The following RAPGEF1 variants were observed in gnomAD, a reference collection of about 807,000 sequenced individuals.
RAPGEF1 encodes Rap guanine nucleotide exchange factor 1, also known as CRK SH3-binding GNRP.
RAPGEF1 carries 33 observed loss-of-function variants against 143.3 expected under a neutral mutation model. The ratio of observed to expected loss-of-function variants is 0.23; its 90% CI spans 0.17 to 0.31. The LOEUF (loss-of-function observed/expected upper bound fraction) is 0.31. RAPGEF1 is among the 10% of genes least tolerant of loss of function. The pLI is 1.00. For missense variants in RAPGEF1, 1,199 were observed against 1,645.4 expected (o/e 0.73, Z 4.69); for synonymous variants, 629 against 676.5 (o/e 0.93, Z 1.09).
At chr9:131,696,348 A>G (rs926788545) in intron 1 of RAPGEF1, among the ~76,000 whole-genome samples, 77 of 152,354 alleles carry the variant, frequency 5.1e-4, no homozygotes, top group African/African-American at 1.8e-3. Context: ...CAGAGCTAAC[A>G]AAAGGTTTTT....
intron 1 of RAPGEF1, among the ~76,000 whole-genome samples, chr9:131,717,361 A>G (rs1835932004): frequency 6.6e-6 from 1 of 152,188 alleles, no homozygotes. Context: ...CACAATGGGT[A>G]CTCACTATCC....
chr9:131,608,528 C>G (rs1014690622), intron 12 of RAPGEF1, among the ~76,000 whole-genome samples: 6 of 152,118 alleles, frequency 3.9e-5, no homozygotes, highest in African/African-American at 1.4e-4. Context: ...GGGGTGTGGG[C>G]TGCCAAGGAG....
chr9:131,662,173 C>T (rs1293922950), intron 1 of RAPGEF1, among the ~76,000 whole-genome samples: 1 of 152,184 alleles, frequency 6.6e-6, no homozygotes, highest in Non-Finnish European at 1.5e-5. Context: ...CCATTCTCTC[C>T]TCTCCCCACC....
At chr9:131,683,312 G>A (rs1428397616) in intron 1 of RAPGEF1, among the ~76,000 whole-genome samples, 1 of 152,202 alleles carries the variant, frequency 6.6e-6, no homozygotes, top group Non-Finnish European at 1.5e-5. Flanking sequence ...AGAGAAACTG[G>A]AGGCTTTAGA....
intron 17 of RAPGEF1, among the ~76,000 whole-genome samples, chr9:131,593,830 G>A: frequency 6.6e-6 from 1 of 152,204 alleles, no homozygotes; most frequent in African/African-American, 2.4e-5. Context: ...AAGAGTTTGG[G>A]GAAGGAAGCA....
At chr9:131,630,932 A>G (rs1433233649) in intron 5 of RAPGEF1, among the ~76,000 whole-genome samples, 3 of 151,416 alleles carry the variant, frequency 2.0e-5, no homozygotes, top group African/African-American at 4.9e-5. Context: ...AAGGGAAGAC[A>G]TAAGTGCCCA....
intron 1 of RAPGEF1, among the ~76,000 whole-genome samples, chr9:131,702,983 C>T (rs961828848): frequency 6.6e-6 from 1 of 152,246 alleles, no homozygotes; most frequent in East Asian, 1.9e-4. Flanking sequence ...AGAATAATGG[C>T]ACTGACTAAC....
chr9:131,723,289 T>A (rs1198705458), intron 1 of RAPGEF1, among the ~76,000 whole-genome samples: 1 of 152,226 alleles, frequency 6.6e-6, no homozygotes, highest in Non-Finnish European at 1.5e-5. Context: ...AAAGTACACA[T>A]AACATTTGCC....
intron 1 of RAPGEF1, among the ~76,000 whole-genome samples, chr9:131,657,740 T>G (rs1183639779): frequency 6.6e-6 from 1 of 152,208 alleles, no homozygotes; most frequent in African/African-American, 2.4e-5. Flanking sequence ...GAGAAGCGGA[T>G]GGATTCCACT....
At chr9:131,649,743 A>T (rs998185135) in intron 3 of RAPGEF1, among the ~76,000 whole-genome samples, 2 of 152,160 alleles carry the variant, frequency 1.3e-5, no homozygotes, top group Non-Finnish European at 2.9e-5. Context: ...TGAGATGGGT[A>T]AGAAAGCACT....
In RAPGEF1 at chr9:131,584,435, G is replaced by A. The variant is rs752580451; in HGVS notation, c.3313-23C>T. ...GTGCTGCCGAGAGAGGGGCGGTGCC[G>A]TGAGGCAGGAGGGCAGGCGGGTCCC... On this transcript the variant is annotated intron_variant, in intron 23 of 26. Coordinates refer to ENST00000683357, the MANE Select transcript of RAPGEF1 (RefSeq NM_001377935.1). The surrounding 1 kb of genome is among the most constrained non-coding windows in gnomAD (Gnocchi z 6.8). 2.1e-5 allele frequency: 34 copies of A among 1,613,482 alleles called. No individual in the cohort carries two copies. In the East Asian group the frequency reaches 2.2e-4, roughly 11 times the overall value.
rs1198595079 is a variant in RAPGEF1, at chr9:131,655,535, T to C, written c.62-4586A>G. 6.6e-6 allele frequency among the ~76,000 whole-genome samples: 1 copy of C among 152,216 alleles called. No homozygotes were observed. Among genetic ancestry groups the C allele is most frequent in the Non-Finnish European group, 1.5e-5 (1 of 68,040 alleles). ...GGTGGATCCCATTTACAGTTTATAC[T>C]TCCTTCTTTATACTTCAACATGGAT... On this transcript the variant is annotated intron_variant, in intron 1 of 26. Transcript: ENST00000683357. This position sits in a 1 kb window ranked among gnomAD's most constrained non-coding sequence, Gnocchi z 4.1.
chr9:131,663,118 AAAATC>A (rs1829852543), intron 1 of RAPGEF1, among the ~76,000 whole-genome samples: 1 of 152,174 alleles, frequency 6.6e-6, no homozygotes, highest in African/African-American at 2.4e-5. Context: ...TGGAAAAAAA[AAAATC>A]AAATCTATTG....
intron 4 of RAPGEF1, among the ~76,000 whole-genome samples, chr9:131,639,050 T>C (rs946907068): frequency 1.3e-5 from 2 of 152,186 alleles, no homozygotes; most frequent in African/African-American, 4.8e-5. Flanking sequence ...TCCACCACGA[T>C]AGTTAAGATG....
chr9:131,628,965 G>C lies in RAPGEF1; in HGVS notation c.893+137C>G. 8.2e-7 allele frequency: 1 copy of C among 1,216,528 alleles called. No individual in the cohort carries two copies. The highest frequency in any genetic ancestry group is 1.6e-5 in the South Asian group (1 of 63,902). 75.4% of individuals were successfully genotyped at this position (1,216,528 alleles called of 1,614,324 possible). A position where few individuals can be genotyped will look rare whatever the true frequency, so the allele number is the denominator to read the frequency against. On this transcript the variant is annotated intron_variant, in intron 7 of 26. Coordinates refer to ENST00000683357, the MANE Select transcript of RAPGEF1 (RefSeq NM_001377935.1). The surrounding 1 kb of genome is among the most constrained non-coding windows in gnomAD (Gnocchi z 5.7). The stretch of plus-strand genomic sequence containing the variant: ...AGGGTGGCCAGCGAGGGCCGGCGGG[G>C]TGGGGACAGCTCCAGAGTCAGCCTC...
At chr9:131,736,332 C>T (rs1226918091) in intron 1 of RAPGEF1, among the ~76,000 whole-genome samples, 1 of 152,200 alleles carries the variant, frequency 6.6e-6, no homozygotes, top group Non-Finnish European at 1.5e-5. Context: ...CCTGGCCCTC[C>T]AAATTCAACC....
chr9:131,606,673 G>A (rs899318950), intron 12 of RAPGEF1, among the ~76,000 whole-genome samples: 2 of 152,156 alleles, frequency 1.3e-5, no homozygotes, highest in African/African-American at 4.8e-5. Context: ...TTTTGAGACA[G>A]GGTCTCACTC....
Position 131,708,351 on chromosome 9 carries a change from C to T in RAPGEF1, c.61+31419G>A, listed in dbSNP as rs143771295. On this transcript the variant is annotated intron_variant, in intron 1 of 26. Coordinates refer to ENST00000683357, the MANE Select transcript of RAPGEF1 (RefSeq NM_001377935.1). ...ATCTCTGGCATGCCTGCCAGCCGGC[C>T]GGTCTCCTGGGTCAATAACTGTGAT... is the stretch of plus-strand genomic sequence containing the variant. Among the ~76,000 whole-genome samples, 1,001 of 152,360 alleles carry T rather than the reference C, an allele frequency of 6.6e-3. 18 individuals carry two copies. The highest frequency in any genetic ancestry group is 0.022 in the African/African-American group (927 of 41,576).
chr9:131,624,506 G>A (rs1048941331), intron 10 of RAPGEF1, among the ~76,000 whole-genome samples: 2 of 152,130 alleles, frequency 1.3e-5, no homozygotes, highest in Admixed American at 6.5e-5. Context: ...CATGAGGACC[G>A]CCACCCACAC....
Sources: allele counts gnomAD v4.1 joint callset (sites outside exome capture counted in the v4.1 genomes callset), GRCh38; gene constraint gnomAD v4.1.1; non-coding constraint Gnocchi (gnomAD v3.1); transcripts MANE v1.5; gene names NCBI Gene and HGNC (gene_info 2026-07-23, HGNC 2026-07-21).